Variants in MCF2L observed in about 807,000 individuals in gnomAD.
The protein encoded by MCF2L is MCF.2 cell line derived transforming sequence like, also known as guanine nucleotide exchange factor DBS.
In MCF2L, 97 loss-of-function variants were observed where a neutral mutation model predicts 153.4. That is an observed-to-expected ratio of 0.63 (90% confidence interval 0.54 to 0.75). The LOEUF (loss-of-function observed/expected upper bound fraction) is 0.75. Ranked by LOEUF, MCF2L falls within the 30% of genes least tolerant of loss-of-function variation. MCF2L has a pLI of 0.00. For synonymous variants in MCF2L, 659 were observed against 632.2 expected, an observed-to-expected ratio of 1.04 and a Z score of -0.64; for missense variants, 1,347 against 1,495.2, an observed-to-expected ratio of 0.90 and a Z score of 1.64.
chr13:112,979,385 A>G, intron 1 of MCF2L: 1 of 1,349,342 alleles, frequency 7.4e-7, no homozygotes, highest in Admixed American at 3.5e-5. Flanking sequence ...CTGCTCTTCC[A>G]GGCGTGCAGG....
At chr13:113,023,622 A>G (rs1024036980) in intron 2 of MCF2L, among the ~76,000 whole-genome samples, 1 of 152,144 alleles carries the variant, frequency 6.6e-6, no homozygotes, top group African/African-American at 2.4e-5. Context: ...TTCTCCATAA[A>G]AAGCTACCCT....
intron 1 of MCF2L, among the ~76,000 whole-genome samples, chr13:112,990,405 G>C (rs2082853542): frequency 6.6e-6 from 1 of 152,188 alleles, no homozygotes; most frequent in East Asian, 1.9e-4. Flanking sequence ...TAAAGAGTGT[G>C]CTAAGCAAAC....
rs1332862742 is a variant in MCF2L at position 112,993,564 on chromosome 13, AG to A, written c.80-21194del. On this transcript the variant is annotated intron_variant, in intron 1 of 29. Coordinates refer to ENST00000535094, the MANE Select transcript of MCF2L (RefSeq NM_001112732.3). This position sits in a 1 kb window ranked among gnomAD's most constrained non-coding sequence, Gnocchi z 4.6. Reference sequence around the variant, plus strand: ...GCCACAGAAGTGGCAGTGGGAGGGGAGGGGGAGGGTGCCTGGAGAGAGGTTT... The same window carrying A: ...GCCACAGAAGTGGCAGTGGGAGGGGAGGGGAGGGTGCCTGGAGAGAGGTTT... 2.0e-5 allele frequency among the ~76,000 whole-genome samples: 3 copies of A among 148,636 alleles called. No homozygotes were observed. Among genetic ancestry groups the A allele is most frequent in the African/African-American group, 7.5e-5 (3 of 40,152 alleles).
chr13:112,908,982 C>G (rs1263154805), intron 2 of MCF2L, among the ~76,000 whole-genome samples: 1 of 152,146 alleles, frequency 6.6e-6, no homozygotes, highest in Admixed American at 6.5e-5. Context: ...CCTCAGCCTC[C>G]CAAAGCACTG....
Position 112,904,737 on chromosome 13 carries a change from C to T in MCF2L, c.169+2366C>T, listed in dbSNP as rs538807787. On this transcript the variant is annotated intron_variant, in intron 2 of 29. Transcript: ENST00000375608. The surrounding 1 kb of genome is among the most constrained non-coding windows in gnomAD (Gnocchi z 4.2). ...GCTCTGTGGAAAGAGAAGCGCACGGCGTGGACTGCGGCCTGCGGGAGAACC... is the reference window on the plus strand; with the variant it reads ...GCTCTGTGGAAAGAGAAGCGCACGGTGTGGACTGCGGCCTGCGGGAGAACC... 2.6e-5 allele frequency among the ~76,000 whole-genome samples: 4 copies of T among 152,362 alleles called. No individual in the cohort carries two copies. The highest frequency in any genetic ancestry group is 3.9e-4 in the East Asian group (2 of 5,176).
chr13:112,981,137 T>G (rs1030756713), intron 1 of MCF2L, among the ~76,000 whole-genome samples: 12 of 151,420 alleles, frequency 7.9e-5, no homozygotes, highest in African/African-American at 2.9e-4. Context: ...TCCCTTCCTG[T>G]GCACTGGAGA....
At chr13:112,898,047 C>A (rs1021389898) in intron 1 of MCF2L, among the ~76,000 whole-genome samples, 17 of 152,242 alleles carry the variant, frequency 1.1e-4, no homozygotes, top group Admixed American at 7.2e-4. Context: ...GAAGGTCTCC[C>A]AGCTCCCCCT....
chr13:112,941,683 C>T lies in MCF2L; in HGVS notation c.169+39312C>T, dbSNP rs2081576906. On this transcript the variant is annotated intron_variant, in intron 2 of 29. Coordinates refer to the MCF2L transcript ENST00000375608. This position sits in a 1 kb window ranked among gnomAD's most constrained non-coding sequence, Gnocchi z 4.9. ...CGAGGCAAGAGACCAAGGGCACGAGCTGTTCCAGTATAATAAAATATATAA... is the reference window on the plus strand; with the variant it reads ...CGAGGCAAGAGACCAAGGGCACGAGTTGTTCCAGTATAATAAAATATATAA... Among the ~76,000 whole-genome samples, 1 of 152,086 alleles carries T rather than the reference C, an allele frequency of 6.6e-6. No homozygotes were observed. The highest frequency in any genetic ancestry group is 2.1e-4 in the South Asian group (1 of 4,824).
chr13:112,928,261 G>C (rs2081428066), intron 2 of MCF2L, among the ~76,000 whole-genome samples: 1 of 152,224 alleles, frequency 6.6e-6, no homozygotes, highest in South Asian at 2.1e-4. Flanking sequence ...CACCGTTTCT[G>C]ATGTTTTTGC....
Position 112,904,879 on chromosome 13 carries a change from T to C in MCF2L, c.169+2508T>C, listed in dbSNP as rs1023275754. Among the ~76,000 whole-genome samples, 1 of 152,252 alleles carries C rather than the reference T, an allele frequency of 6.6e-6. No individual in the cohort carries two copies. The highest frequency in any genetic ancestry group is 1.5e-5 in the Non-Finnish European group (1 of 68,042). On this transcript the variant is annotated intron_variant, in intron 2 of 29. Coordinates refer to the MCF2L transcript ENST00000375608. This position sits in a 1 kb window ranked among gnomAD's most constrained non-coding sequence, Gnocchi z 4.2. ...ACAGTTGGTGGTGATGAAACCTGTT[T>C]GTATCAGAACAATTTCGAAATCAGT...
chr13:113,038,810 T>C (rs2086303788), intron 3 of MCF2L, among the ~76,000 whole-genome samples: 1 of 152,330 alleles, frequency 6.6e-6, no homozygotes, highest in Middle Eastern at 3.4e-3. Flanking sequence ...GCACAGAATA[T>C]TGAATCCAGA....
At chr13:113,047,070 G>C (rs1192450650) in intron 4 of MCF2L, 1 of 161,024 alleles carries the variant, frequency 6.2e-6, no homozygotes, top group Non-Finnish European at 1.3e-5. Flanking sequence ...CACATGGTGA[G>C]AGAGGGAGCG....
At chr13:113,094,929 C>G in intron 27 of MCF2L, 1 of 1,363,554 alleles carries the variant, frequency 7.3e-7, no homozygotes, top group Non-Finnish European at 9.8e-7. Flanking sequence ...CCTAGCTCCT[C>G]TGTCTCAGCA....
Position 112,969,460 on chromosome 13 carries a change from TAGG to T in MCF2L, c.79+8_79+10del, listed in dbSNP as rs765952133. The T allele has an allele frequency of 1.4e-4, 210 of 1,549,874 alleles. 1 individual carries two copies. Among genetic ancestry groups the T allele is most frequent in the Admixed American group, 3.9e-4 (20 of 50,972 alleles). On this transcript the variant is annotated splice_donor_5th_base_variant and intron_variant, in intron 1 of 29. Transcript: ENST00000535094. The surrounding 1 kb of genome is among the most constrained non-coding windows in gnomAD (Gnocchi z 4.8). ...TAAATGCGGTTTCCAAGCACACGGG[TAGG>T]AGGAGCTGCTGGCCGTCAGTGATCT...
chr13:112,917,334 C>T (rs1353952318), intron 2 of MCF2L: 2 of 367,292 alleles, frequency 5.4e-6, no homozygotes, highest in Non-Finnish European at 1.1e-5. Flanking sequence ...CCAGAAACCC[C>T]ATCGTCCTCA....
At chr13:112,937,986 G>A (rs1212311587) in intron 2 of MCF2L, among the ~76,000 whole-genome samples, 1 of 17,126 alleles carries the variant, frequency 5.8e-5, no homozygotes, top group Non-Finnish European at 1.3e-4. Flanking sequence ...GTTCAGGTGA[G>A]CGCTAATTGG....
Position 113,078,368 on chromosome 13 carries a change from C to A in MCF2L, c.1666C>A (p.Arg556=). ...GCTCCCCTTCTTCCCAACAGGCATT[C>A]GGCGAGGCTCTGAGAACTCCAGCTC... ...AKSPCPSPGI[R]RGSENSSSEG... The change falls in exon 14 of 30, where the codon CGG becomes AGG. Residue 556 remains arginine (R), a synonymous_variant. Transcript: ENST00000535094. 3 of 1,613,180 alleles carry A rather than the reference C, an allele frequency of 1.9e-6. No homozygotes were observed. Among genetic ancestry groups the A allele is most frequent in the Non-Finnish European group, 2.5e-6 (3 of 1,179,756 alleles).
chr13:113,076,410 G>A (rs940596732), intron 12 of MCF2L, among the ~76,000 whole-genome samples: 8 of 152,084 alleles, frequency 5.3e-5, no homozygotes, highest in Non-Finnish European at 8.8e-5. Context: ...GATTACAGGC[G>A]CCCACCACCA....
intron 2 of MCF2L, among the ~76,000 whole-genome samples, chr13:112,919,240 C>G (rs2081328577): frequency 8.0e-6 from 1 of 124,458 alleles, no homozygotes; most frequent in African/African-American, 3.0e-5. Flanking sequence ...GAGTCTTGCT[C>G]TGTCGCCCAG....
Sources: gnomAD v4.1 joint callset for allele counts (sites outside exome capture counted in the v4.1 genomes callset) on GRCh38, gnomAD v4.1.1 for gene constraint, Gnocchi (gnomAD v3.1) non-coding constraint, MANE v1.5 for transcripts, NCBI Gene and HGNC (gene_info 2026-07-23, HGNC 2026-07-21) for gene names.